Variants in HDGFL2 observed in about 807,000 individuals in gnomAD.
The protein encoded by HDGFL2 is hepatoma-derived growth factor-related protein 2.
Under a neutral mutation model 77.1 loss-of-function variants are expected in HDGFL2, and 36 were observed. The ratio of observed to expected loss-of-function variants is 0.47; its 90% CI spans 0.36 to 0.62. The LOEUF (loss-of-function observed/expected upper bound fraction) is 0.62, where lower values mean the gene tolerates loss of function less well. HDGFL2 is among the 20% of genes least tolerant of loss of function. HDGFL2 has a pLI of 0.00. For missense variants in HDGFL2, 976 were observed against 973.4 expected, an observed-to-expected ratio of 1.00 and a Z score of -0.04; for synonymous variants, 463 against 413.1, an observed-to-expected ratio of 1.12 and a Z score of -1.46.
intron 11 of HDGFL2, 75 bp downstream of exon 11, chr19:4,498,106 C>G (rs1057250458): frequency 1.4e-5 from 19 of 1,325,128 alleles, no homozygotes; most frequent in East Asian, 2.5e-5. Flanking sequence ...CGTGGCTGGC[C>G]TGTCCCGCCT....
At position 4,483,864 on chromosome 19, in the gene HDGFL2, A is replaced by G. The variant is rs1447071312; in HGVS notation, c.289-4812A>G. Among the ~76,000 whole-genome samples the G allele has an allele frequency of 4.2e-5, 6 of 141,518 alleles. No individual in the cohort carries two copies. In the East Asian group the frequency reaches 1.2e-3, roughly 29 times the overall value. 92.8% of individuals were successfully genotyped at this position (141,518 alleles called of 152,430 possible). A position where few individuals can be genotyped will look rare whatever the true frequency, so the allele number is the denominator to read the frequency against. On this transcript the variant is annotated intron_variant, in intron 3 of 15. Transcript: ENST00000616600. ...GAGTGCAGTGACGCTATCTGGGCTCACTGCAACCTCTGCCTCTCGTGTTCA... is the reference window on the plus strand; with the variant it reads ...GAGTGCAGTGACGCTATCTGGGCTCGCTGCAACCTCTGCCTCTCGTGTTCA...
At chr19:4,488,504 C>T (rs1332425652) in intron 3 of HDGFL2, among the ~76,000 whole-genome samples, 172 bp from the exon 4 acceptor site, 2 of 152,224 alleles carry the variant, frequency 1.3e-5, no homozygotes, top group Non-Finnish European at 2.9e-5. Context: ...CACTCTCCTG[C>T]CTTCGTTCTT....
intron 3 of HDGFL2, among the ~76,000 whole-genome samples, chr19:4,484,847 A>G (rs1316082096): frequency 1.3e-5 from 2 of 151,524 alleles, no homozygotes; most frequent in Non-Finnish European, 2.9e-5. Flanking sequence ...AATTTTTTGT[A>G]TTTTTAGTAG....
intron 12 of HDGFL2, among the ~76,000 whole-genome samples, chr19:4,498,582 C>T (rs1043551106): frequency 1.7e-4 from 26 of 152,086 alleles, no homozygotes; most frequent in African/African-American, 3.4e-4. Flanking sequence ...CCAGCTTTCC[C>T]GGCAGGTGGT....
At chr19:4,483,656 G>C (rs1472142252) in intron 3 of HDGFL2, among the ~76,000 whole-genome samples, 1 of 151,968 alleles carries the variant, frequency 6.6e-6, no homozygotes, top group African/African-American at 2.4e-5. Flanking sequence ...CCCGTGACAT[G>C]CCTCTCACCC....
intron 3 of HDGFL2, among the ~76,000 whole-genome samples, chr19:4,478,132 A>G (rs1010633746): frequency 1.3e-5 from 2 of 149,598 alleles, no homozygotes; most frequent in Admixed American, 1.3e-4. Flanking sequence ...CTAGAGGCAT[A>G]GATTTAATTG....
intron 3 of HDGFL2, among the ~76,000 whole-genome samples, chr19:4,488,280 A>G (rs1433438681): frequency 2.0e-5 from 3 of 152,126 alleles, no homozygotes; most frequent in African/African-American, 7.2e-5. Flanking sequence ...CAGGGCAGCC[A>G]TTTCTGGACC....
chr19:4,501,884 T>C (rs1238785376), intron 15 of HDGFL2, 27 bp from the exon 16 acceptor site: 2 of 1,418,658 alleles, frequency 1.4e-6, no homozygotes, highest in Non-Finnish European at 1.8e-6. Flanking sequence ...GAGGGCATCC[T>C]CACACCGCCT....
At chr19:4,499,301 G>A (rs1248336837) in intron 13 of HDGFL2, among the ~76,000 whole-genome samples, 190 bp from the exon 14 acceptor site, 1 of 151,752 alleles carries the variant, frequency 6.6e-6, no homozygotes, top group East Asian at 1.9e-4. Flanking sequence ...AGCCGAGATC[G>A]CGCCACTGCA....
intron 3 of HDGFL2, among the ~76,000 whole-genome samples, chr19:4,481,188 ATT>A (rs71168906): frequency 0.24 from 12,163 of 51,116 alleles, 1,718 homozygotes; most frequent in African/African-American, 0.33. Flanking sequence ...CGCCTGGCTA[ATT>A]TTTTTTTTTT....
At chr19:4,494,723 C>T (rs1421953687) in intron 9 of HDGFL2, among the ~76,000 whole-genome samples, 1 of 152,110 alleles carries the variant, frequency 6.6e-6, no homozygotes, top group African/African-American at 2.4e-5. Flanking sequence ...TCGAGACCAG[C>T]CTGGGCAAGA....
At chr19:4,497,704 GA>G in intron 10 of HDGFL2, 1 of 539,456 alleles carries the variant, frequency 1.9e-6, no homozygotes, top group Non-Finnish European at 3.3e-6. Flanking sequence ...TGTGAACGAG[GA>G]AAAGAATCCT....
intron 3 of HDGFL2, among the ~76,000 whole-genome samples, chr19:4,488,250 C>T (rs894012651): frequency 3.9e-5 from 6 of 152,218 alleles, no homozygotes; most frequent in African/African-American, 7.2e-5. Context: ...GGATTATAGG[C>T]GTGAGCCTCC....
rs568567802 is a variant in HDGFL2, at chr19:4,502,169, C to A, written c.*159C>A. 138 of 689,420 alleles carry A rather than the reference C, an allele frequency of 2.0e-4. No individual in the cohort carries two copies. Among genetic ancestry groups the A allele is most frequent in the South Asian group, 8.0e-4 (50 of 62,402 alleles). 42.7% of individuals were successfully genotyped at this position (689,420 alleles called of 1,614,324 possible). A position where few individuals can be genotyped will look rare whatever the true frequency, so the allele number is the denominator to read the frequency against. ...CTGCCTAATTTCTGTGATTTCCAACCAACATGAAATGACTATAAATGGTTT... is the reference window on the plus strand; with the variant it reads ...CTGCCTAATTTCTGTGATTTCCAACAAACATGAAATGACTATAAATGGTTT... On this transcript the variant is annotated 3_prime_UTR_variant, in exon 16 of 16. Coordinates refer to ENST00000616600, the MANE Select transcript of HDGFL2 (RefSeq NM_001001520.3).
intron 4 of HDGFL2, among the ~76,000 whole-genome samples, chr19:4,489,219 C>T (rs1975444212): frequency 6.6e-6 from 1 of 150,974 alleles, no homozygotes; most frequent in African/African-American, 2.4e-5. Flanking sequence ...TCTCAAAGTG[C>T]TGGGATTACA....
Sources: gnomAD v4.1 joint callset for allele counts (sites outside exome capture counted in the v4.1 genomes callset) on GRCh38, gnomAD v4.1.1 for gene constraint, MANE v1.5 for transcripts, NCBI Gene and HGNC (gene_info 2026-07-23, HGNC 2026-07-21) for gene names.